The following CSMD1 variants were observed in gnomAD, a reference collection of about 807,000 sequenced individuals.
CSMD1 encodes the protein CUB and sushi domain-containing protein 1.
A neutral mutation model predicts 417.5 loss-of-function variants in CSMD1; 213 were observed. The observed-to-expected ratio is 0.51, with a 90% CI of 0.46 to 0.57. The LOEUF is 0.57. CSMD1 is among the 20% of genes least tolerant of loss of function. The probability of loss-of-function intolerance (pLI) is 0.00; values close to 1 mark genes in which losing one functional copy is unlikely to be tolerated. For missense variants in CSMD1, 6,923 were observed against 4,529.7 expected (o/e 1.53, Z -15.17); for synonymous variants, 2,862 against 1,736.8 (o/e 1.65, Z -16.11).
At position 4,518,569 on chromosome 8, in the gene CSMD1, G is replaced by C. The variant is rs1295685294; in HGVS notation, c.303-98504C>G. 7.7e-5 allele frequency among the ~76,000 whole-genome samples: 11 copies of C among 143,124 alleles called. No individual in the cohort carries two copies. In the Admixed American group the frequency reaches 7.9e-4, roughly 10 times the overall value. 93.9% of individuals were successfully genotyped at this position (143,124 alleles called of 152,430 possible). A position where few individuals can be genotyped will look rare whatever the true frequency, so the allele number is the denominator to read the frequency against. On this transcript the variant is annotated intron_variant, in intron 2 of 69. Coordinates refer to ENST00000635120, the MANE Select transcript of CSMD1 (RefSeq NM_033225.6). ...CTCATAGGTGGGAATTGAACAGTGA[G>C]AACACATGGACACAGGAAGGGGAAC...
chr8:4,730,393 G>C (rs1424861757), intron 1 of CSMD1, among the ~76,000 whole-genome samples: 1 of 152,042 alleles, frequency 6.6e-6, no homozygotes, highest in African/African-American at 2.4e-5. Flanking sequence ...GTAAATATGG[G>C]AATAAAAAGT....
intron 15 of CSMD1, among the ~76,000 whole-genome samples, chr8:3,402,606 A>T (rs945485619): frequency 6.6e-6 from 1 of 152,206 alleles, no homozygotes; most frequent in South Asian, 2.1e-4. Context: ...TAAATAAAAA[A>T]ATTGCTCTAT....
At chr8:3,220,896 C>A (rs1798169542) in intron 28 of CSMD1, among the ~76,000 whole-genome samples, 1 of 152,150 alleles carries the variant, frequency 6.6e-6, no homozygotes, top group Non-Finnish European at 1.5e-5. Flanking sequence ...TGCCCCTTCC[C>A]TCTTCTTCTC....
chr8:3,882,462 C>A (rs1026920384), intron 5 of CSMD1, among the ~76,000 whole-genome samples: 2 of 152,174 alleles, frequency 1.3e-5, no homozygotes, highest in Non-Finnish European at 2.9e-5. Context: ...GGTGGTATTA[C>A]AAATCAGTAG....
intron 2 of CSMD1, among the ~76,000 whole-genome samples, chr8:4,635,795 A>T (rs1401706156): frequency 6.6e-6 from 1 of 152,166 alleles, no homozygotes; most frequent in African/African-American, 2.4e-5. Flanking sequence ...TTGTATATGT[A>T]GATACTTTGT....
chr8:4,155,747 T>C (rs1172101775), intron 3 of CSMD1, among the ~76,000 whole-genome samples: 1 of 152,186 alleles, frequency 6.6e-6, no homozygotes, highest in Non-Finnish European at 1.5e-5. Flanking sequence ...GTGTCAGCTT[T>C]TGTCATTGAT....
chr8:4,433,327 C>T (rs1350207414), intron 2 of CSMD1, among the ~76,000 whole-genome samples: 1 of 152,158 alleles, frequency 6.6e-6, no homozygotes, highest in Admixed American at 6.5e-5. Context: ...GTCCCTGGCA[C>T]CAGAAAGGTT....
At chr8:3,731,489 A>G (rs1796255463) in intron 6 of CSMD1, among the ~76,000 whole-genome samples, 1 of 152,138 alleles carries the variant, frequency 6.6e-6, no homozygotes, top group African/African-American at 2.4e-5. Flanking sequence ...TTGCCCAGCC[A>G]CTGTTGGACA....
rs758138504 is a variant in CSMD1 at position 3,359,360 on chromosome 8, A to G, written c.3116-20T>C. On this transcript the variant is annotated intron_variant, in intron 20 of 69. Coordinates refer to ENST00000635120, the MANE Select transcript of CSMD1 (RefSeq NM_033225.6). ...CATATTCTGAGGCATGCAGAGACAG[A>G]GTAAATGCATGAGGATTTGGGTAAA... 56 of 1,596,940 alleles carry G rather than the reference A, an allele frequency of 3.5e-5. No individual in the cohort carries two copies. The highest frequency in any genetic ancestry group is 1.7e-4 in the Middle Eastern group (1 of 6,034).
At chr8:3,634,654 G>C (rs1011386451) in intron 7 of CSMD1, among the ~76,000 whole-genome samples, 1 of 152,104 alleles carries the variant, frequency 6.6e-6, no homozygotes, top group African/African-American at 2.4e-5. Flanking sequence ...TGGTACTGGG[G>C]ACACCTCAAA....
rs1563218129 is a variant in CSMD1 at position 3,926,079 on chromosome 8, CCATACACACACA to C, written c.818+71812_818+71823del. 8.8e-4 allele frequency among the ~76,000 whole-genome samples: 72 copies of C among 81,430 alleles called. 3 individuals carry two copies. Among genetic ancestry groups the C allele is most frequent in the African/African-American group, 3.8e-3 (68 of 17,818 alleles). The allele number at this position is 81,430 out of a possible 152,430, so 53.4% of individuals were successfully genotyped here. A position where few individuals can be genotyped will look rare whatever the true frequency, so the allele number is the denominator to read the frequency against. On this transcript the variant is annotated intron_variant, in intron 5 of 69. Coordinates refer to ENST00000635120, the MANE Select transcript of CSMD1 (RefSeq NM_033225.6). ...ACACACACACACACACACACAAACA[CCATACACACACA>C]CACACACACACACACACACACACAC... is the stretch of plus-strand genomic sequence containing the variant.
chr8:4,970,326 G>C (rs1810160106), intron 1 of CSMD1, among the ~76,000 whole-genome samples: 1 of 152,054 alleles, frequency 6.6e-6, no homozygotes, highest in African/African-American at 2.4e-5. Context: ...GTGGCAAGGG[G>C]ATGTGTATTA....
At chr8:4,927,218 G>T (rs1232812302) in intron 1 of CSMD1, among the ~76,000 whole-genome samples, 1 of 150,108 alleles carries the variant, frequency 6.7e-6, no homozygotes, top group African/African-American at 2.5e-5. Context: ...GTGCTTTTTG[G>T]CTAATTTTTT....
At chr8:4,043,754 G>A (rs1798009862) in intron 3 of CSMD1, among the ~76,000 whole-genome samples, 1 of 152,082 alleles carries the variant, frequency 6.6e-6, no homozygotes, top group African/African-American at 2.4e-5. Flanking sequence ...TTGATATCTT[G>A]CTGAGCTCTT....
intron 3 of CSMD1, among the ~76,000 whole-genome samples, chr8:4,314,505 C>A (rs187226833): frequency 6.6e-6 from 1 of 152,118 alleles, no homozygotes; most frequent in Non-Finnish European, 1.5e-5. Flanking sequence ...GCAGTCTGGA[C>A]TTTGCTAATG....
chr8:3,045,951 G>C (rs968111305), intron 50 of CSMD1, among the ~76,000 whole-genome samples: 8 of 152,204 alleles, frequency 5.3e-5, no homozygotes, highest in Admixed American at 6.5e-5. Context: ...TTTTAAGCTA[G>C]TAATTACCAA....
chr8:4,388,691 G>C (rs1361942960), intron 3 of CSMD1, among the ~76,000 whole-genome samples: 1 of 151,986 alleles, frequency 6.6e-6, no homozygotes, highest in Non-Finnish European at 1.5e-5. Context: ...AACTCCAATA[G>C]CTCATGGAAA....
chr8:4,739,056 C>A (rs555665653), intron 1 of CSMD1, among the ~76,000 whole-genome samples: 1 of 152,258 alleles, frequency 6.6e-6, no homozygotes, highest in South Asian at 2.1e-4. Context: ...CTGATATATT[C>A]TTTTTAAACA....
chr8:3,815,768 G>A (rs1473834134), intron 5 of CSMD1, among the ~76,000 whole-genome samples: 1 of 151,890 alleles, frequency 6.6e-6, no homozygotes, highest in Non-Finnish European at 1.5e-5. Context: ...AAACCACATT[G>A]TTCATTTGAT....
Sources: allele counts gnomAD v4.1 joint callset (sites outside exome capture counted in the v4.1 genomes callset), GRCh38; gene constraint gnomAD v4.1.1; transcripts MANE v1.5; gene names NCBI Gene and HGNC (gene_info 2026-07-23, HGNC 2026-07-21).